The following CHD3 variants were observed in gnomAD, a reference collection of about 807,000 sequenced individuals.
CHD3 encodes the protein chromodomain helicase DNA binding protein 3.
CHD3 carries 52 observed loss-of-function variants against 248.9 expected under a neutral mutation model. That is an observed-to-expected ratio of 0.21 (90% CI 0.17 to 0.26). CHD3 has a LOEUF of 0.26. Among genes scored for constraint, CHD3 ranks in the 10% least tolerant of loss-of-function variants. The pLI is 1.00. For missense variants in CHD3, 1,482 were observed against 2,605.8 expected, an observed-to-expected ratio of 0.57 and a Z score of 9.39; for synonymous variants, 985 against 985.2, an observed-to-expected ratio of 1.00 and a Z score of 0.00.
upstream of CHD3, chr17:7,884,911 G>A (rs759558717): frequency 2.8e-6 from 4 of 1,418,752 alleles, no homozygotes; most frequent in Non-Finnish European, 3.7e-6. Flanking sequence ...AGGAGGAGGA[G>A]GTGGAGGCGG....
chr17:7,900,774 G>A lies in CHD3; in HGVS notation c.2978+43G>A, dbSNP rs375273377. ...CTGCCTGGAGTAGGGCTTGGGGATT[G>A]ATGGGAGCGTTCCAAGTGCAATATC... On this transcript the variant is annotated intron_variant, in intron 18 of 39. Coordinates refer to ENST00000330494, the MANE Select transcript of CHD3 (RefSeq NM_001005273.3). This position sits in a 1 kb window ranked among gnomAD's most constrained non-coding sequence, Gnocchi z 6.5. 39 of 1,610,098 alleles carry A rather than the reference G, an allele frequency of 2.4e-5. No homozygotes were observed. In the African/African-American group the frequency reaches 5.2e-4, roughly 22 times the overall value.
At position 7,889,287 on chromosome 17, in the gene CHD3, C is replaced by T. The variant is rs1012693110; in HGVS notation, c.100+187C>T. Among the ~76,000 whole-genome samples, 1 of 152,240 alleles carries T rather than the reference C, an allele frequency of 6.6e-6. No individual in the cohort carries two copies. Among genetic ancestry groups the T allele is most frequent in the African/African-American group, 2.4e-5 (1 of 41,464 alleles). Reference sequence around the variant, plus strand: ...GGGTCAGGCCAGGCCAGCAGCTGGGCATGGCTTCCCCAGTTCCTGGGCAGG... The same window carrying T: ...GGGTCAGGCCAGGCCAGCAGCTGGGTATGGCTTCCCCAGTTCCTGGGCAGG... On this transcript the variant is annotated intron_variant, in intron 1 of 39. Transcript: ENST00000330494. The surrounding 1 kb of genome is among the most constrained non-coding windows in gnomAD (Gnocchi z 4.5).
chr17:7,894,037 G>T, intron 6 of CHD3, 78 bp from the exon 7 acceptor site: 1 of 1,156,718 alleles, frequency 8.6e-7, no homozygotes. Flanking sequence ...CGTGAGGGAT[G>T]GCGGAACAGG....
rs377410163 is a variant in CHD3, at chr17:7,910,733, C to T, written c.5755-114C>T. The T allele has an allele frequency of 1.3e-6, 2 of 1,508,424 alleles. No individual in the cohort carries two copies. The highest frequency in any genetic ancestry group is 1.4e-5 in the African/African-American group (1 of 71,606). The allele number at this position is 1,508,424 out of a possible 1,614,324, so 93.4% of individuals were successfully genotyped here. On this transcript the variant is annotated intron_variant, in intron 38 of 39. Coordinates refer to ENST00000330494, the MANE Select transcript of CHD3 (RefSeq NM_001005273.3). This position sits in a 1 kb window ranked among gnomAD's most constrained non-coding sequence, Gnocchi z 4.7. ...ATCACCCTTGAGTGAGTCTCCCTGC[C>T]TGTGTATCCTACCCTTAGCAGTTGT...
At chr17:7,885,880 G>T (rs1452820430), upstream of CHD3, among the ~76,000 whole-genome samples, 2 of 152,198 alleles carry the variant, frequency 1.3e-5, no homozygotes, top group African/African-American at 2.4e-5. Context: ...TCGTCCCCTC[G>T]CTCCCCCAGC....
In CHD3 at chr17:7,910,911, T is replaced by C; in HGVS notation, c.5819T>C (p.Val1940Ala). 1 of 1,613,700 alleles carries C rather than the reference T, an allele frequency of 6.2e-7. No homozygotes were observed. The highest frequency in any genetic ancestry group is 2.2e-5 in the East Asian group (1 of 44,872). ...GYGAAFSAAP[V>A]GALAAAGANY... ...GGGGCGGCCTTCAGCGCCGCACCCG[T>C]AGGGGCCCTGGCCGCCGCAGGCGCC... Residue 1940 changes from valine (V) to alanine (A), a missense_variant, in exon 39 of 40, where the codon GTA (valine) becomes GCA (alanine). This residue lies in a region of CHD3 where 117 missense variants were observed against 137.2 expected (regional missense o/e 0.85). Coordinates refer to ENST00000330494, the MANE Select transcript of CHD3 (RefSeq NM_001005273.3). The surrounding 1 kb of genome is among the most constrained non-coding windows in gnomAD (Gnocchi z 4.7).
chr17:7,892,041 T>C (rs1458402045), intron 4 of CHD3, among the ~76,000 whole-genome samples: 1 of 152,178 alleles, frequency 6.6e-6, no homozygotes, highest in Non-Finnish European at 1.5e-5. Context: ...AATAATAATA[T>C]ATACCTCATA....
chr17:7,895,240 C>T lies in CHD3; in HGVS notation c.1503+90C>T. On this transcript the variant is annotated intron_variant, in intron 9 of 39. Coordinates refer to ENST00000330494, the MANE Select transcript of CHD3 (RefSeq NM_001005273.3). This position sits in a 1 kb window ranked among gnomAD's most constrained non-coding sequence, Gnocchi z 4.9. ...CCCACATGTCCAGCTTTTCATTTCT[C>T]TGCACTCCCCCACCCTTGTGGGACC... 2 of 1,580,626 alleles carry T rather than the reference C, an allele frequency of 1.3e-6. No homozygotes were observed. Among genetic ancestry groups the T allele is most frequent in the African/African-American group, 1.3e-5 (1 of 74,452 alleles).
In CHD3 at chr17:7,908,743, G is replaced by C. The variant is rs1971293046; in HGVS notation, c.5308G>C (p.Ala1770Pro). 2 of 1,613,972 alleles carry C rather than the reference G, an allele frequency of 1.2e-6. No homozygotes were observed. Among genetic ancestry groups the C allele is most frequent in the Non-Finnish European group, 1.7e-6 (2 of 1,180,012 alleles). ...GGACATCCAGAATGATGCTCAATTT[G>C]CCATTATCAACGAGCCATTTAAAAC... is the stretch of plus-strand genomic sequence containing the variant. ...WQDIQNDAQF[A>P]IINEPFKTEA... The change falls in exon 36 of 40, where the codon GCC becomes CCC. Residue 1770 changes from alanine to proline, a missense_variant. By Grantham distance (27) the Ala-to-Pro change is conservative. Coordinates refer to ENST00000330494, the MANE Select transcript of CHD3 (RefSeq NM_001005273.3). The surrounding 1 kb of genome is among the most constrained non-coding windows in gnomAD (Gnocchi z 5.8).
rs777737440 is a variant in CHD3, at chr17:7,894,964, C to T, written c.1317C>T (p.Tyr439=). Residue 439 remains tyrosine (Y), a synonymous_variant, in exon 9 of 40, where the codon TAC becomes TAT. Transcript: ENST00000330494. ...AGGCCAAGGAGGAAGAAGAAGAATA[C>T]GAAGAGGAGGGAGAGGAAGAAGGGG... ...QWEAKEEEEE[Y]EEEGEEEGEK... is the part of the protein sequence containing the mutation. 13 of 1,612,700 alleles carry T rather than the reference C, an allele frequency of 8.1e-6. No individual in the cohort carries two copies. The highest frequency in any genetic ancestry group is 4.5e-5 in the East Asian group (2 of 44,856).
upstream of CHD3, among the ~76,000 whole-genome samples, chr17:7,885,921 G>C (rs575115295): frequency 9.8e-5 from 15 of 152,324 alleles, no homozygotes; most frequent in South Asian, 3.1e-3. Context: ...ATTCGGATTG[G>C]GGAGCGGAGA....
chr17:7,897,909 T>C lies in CHD3; in HGVS notation c.1920-62T>C, dbSNP rs1969878599. 5.9e-6 allele frequency: 9 copies of C among 1,536,154 alleles called. No homozygotes were observed. Among genetic ancestry groups the C allele is most frequent in the Non-Finnish European group, 7.9e-6 (9 of 1,140,644 alleles). ...GATAATTGCGTTTCTCAGGCCTTCT[T>C]TCTGTTTGTGATCTGTGCAATATTT... On this transcript the variant is annotated intron_variant, in intron 11 of 39. Coordinates refer to ENST00000330494, the MANE Select transcript of CHD3 (RefSeq NM_001005273.3). This position sits in a 1 kb window ranked among gnomAD's most constrained non-coding sequence, Gnocchi z 4.8.
In CHD3 at chr17:7,897,964, C is replaced by T. The variant is rs370043411; in HGVS notation, c.1920-7C>T. On this transcript the variant is annotated splice_polypyrimidine_tract_variant and splice_region_variant and intron_variant, in intron 11 of 39. Coordinates refer to ENST00000330494, the MANE Select transcript of CHD3 (RefSeq NM_001005273.3). This position sits in a 1 kb window ranked among gnomAD's most constrained non-coding sequence, Gnocchi z 4.8. ...CCTGCTCCTCCCCATGGCCTCCTGC[C>T]CCACAGTGTGGATAAAAAGGGGAAT... 4 of 1,612,598 alleles carry T rather than the reference C, an allele frequency of 2.5e-6. No homozygotes were observed. Among genetic ancestry groups the T allele is most frequent in the Non-Finnish European group, 3.4e-6 (4 of 1,179,348 alleles).
chr17:7,911,884 T>G lies in CHD3; in HGVS notation c.*299T>G. ...TCCCACACTGCCAAGTATACACAAC[T>G]TCCCAGTAAATGGTTGTGGGGAGGA... On this transcript the variant is annotated 3_prime_UTR_variant, in exon 40 of 40. Transcript: ENST00000330494. This position sits in a 1 kb window ranked among gnomAD's most constrained non-coding sequence, Gnocchi z 5.4. 1 of 575,544 alleles carries G rather than the reference T, an allele frequency of 1.7e-6. No individual in the cohort carries two copies. The highest frequency in any genetic ancestry group is 2.8e-6 in the Non-Finnish European group (1 of 361,408). 35.7% of individuals were successfully genotyped at this position (575,544 alleles called of 1,614,324 possible).
rs1483512273 is a variant in CHD3 at position 7,909,298 on chromosome 17, G to A, written c.5550G>A (p.Ser1850=). 3.8e-6 allele frequency: 6 copies of A among 1,561,650 alleles called. No individual in the cohort carries two copies. Among genetic ancestry groups the A allele is most frequent in the South Asian group, 3.5e-5 (3 of 84,804 alleles). ...GCCACCAGCACCTCTCCAAGGAGTCGCTGGCGGGGAACAAGCCGGCCAACG... is the reference window on the plus strand; with the variant it reads ...GCCACCAGCACCTCTCCAAGGAGTCACTGGCGGGGAACAAGCCGGCCAACG... The part of the protein sequence containing the change: ...AESHQHLSKE[S]LAGNKPANAV... The change falls in exon 37 of 40, where the codon TCG becomes TCA. Residue 1850 remains serine (S), a synonymous_variant. Transcript: ENST00000330494. This position sits in a 1 kb window ranked among gnomAD's most constrained non-coding sequence, Gnocchi z 8.1.
rs537839026 is a variant in CHD3 at position 7,904,651 on chromosome 17, G to C, written c.4072+32G>C. On this transcript the variant is annotated intron_variant, in intron 25 of 39. Transcript: ENST00000330494. This position sits in a 1 kb window ranked among gnomAD's most constrained non-coding sequence, Gnocchi z 4.4. ...ACTGCCCCAGATGCAGGCAGTAAAG[G>C]GGGGAAGTGATGATGAGTAGGGACT... 1,373 of 1,594,482 alleles carry C rather than the reference G, an allele frequency of 8.6e-4. 7 individuals are homozygous for C. In the Middle Eastern group the frequency reaches 8.8e-3, roughly 10 times the overall value.
In CHD3 at chr17:7,889,218, G is replaced by C; in HGVS notation, c.100+118G>C. ...CTTTGGCTCTCCCTCCCCAGCATCT[G>C]GCTTAGGGAGCTGCCAGCTTGTGTC... On this transcript the variant is annotated intron_variant, in intron 1 of 39. Coordinates refer to ENST00000330494, the MANE Select transcript of CHD3 (RefSeq NM_001005273.3). This position sits in a 1 kb window ranked among gnomAD's most constrained non-coding sequence, Gnocchi z 4.5. 1 of 1,280,618 alleles carries C rather than the reference G, an allele frequency of 7.8e-7. No individual in the cohort carries two copies. Among genetic ancestry groups the C allele is most frequent in the South Asian group, 1.4e-5 (1 of 72,166 alleles). The allele number at this position is 1,280,618 out of a possible 1,614,324, so 79.3% of individuals were successfully genotyped here. A position where few individuals can be genotyped will look rare whatever the true frequency, so the allele number is the denominator to read the frequency against.
chr17:7,885,307 C>CCCTCCCCCGCCGCCGCCG (rs1555603798), upstream of CHD3: 1 of 157,218 alleles, frequency 6.4e-6, no homozygotes, highest in Non-Finnish European at 1.2e-5. Flanking sequence ...GCACCCCTCC[C>CCCTCCCCCGCCGCCGCCG]CCGCCGCCGC....
Position 7,897,911 on chromosome 17 carries a change from CT to C in CHD3, c.1920-59del. The stretch of plus-strand genomic sequence containing the variant: ...TAATTGCGTTTCTCAGGCCTTCTTT[CT>C]GTTTGTGATCTGTGCAATATTTTCC... On this transcript the variant is annotated intron_variant, in intron 11 of 39. Coordinates refer to ENST00000330494, the MANE Select transcript of CHD3 (RefSeq NM_001005273.3). This position sits in a 1 kb window ranked among gnomAD's most constrained non-coding sequence, Gnocchi z 4.8. The C allele has an allele frequency of 6.5e-7, 1 of 1,535,654 alleles. No homozygotes were observed. Among genetic ancestry groups the C allele is most frequent in the Non-Finnish European group, 8.8e-7 (1 of 1,140,648 alleles).
Sources: allele counts gnomAD v4.1 joint callset (sites outside exome capture counted in the v4.1 genomes callset), GRCh38; gene constraint gnomAD v4.1.1; regional missense constraint gnomAD v4.1.1; non-coding constraint Gnocchi (gnomAD v3.1); transcripts MANE v1.5; gene names NCBI Gene and HGNC (gene_info 2026-07-23, HGNC 2026-07-21).